Variants in TIMELESS observed in about 807,000 individuals in gnomAD.
The protein encoded by TIMELESS is timeless circadian regulator.
A neutral mutation model predicts 164.3 loss-of-function variants in TIMELESS; 124 were observed. The ratio of observed to expected loss-of-function variants is 0.75; its 90% CI spans 0.65 to 0.88. The LOEUF (loss-of-function observed/expected upper bound fraction) is 0.88. Among genes scored for constraint, TIMELESS ranks in the 40% least tolerant of loss-of-function variants. The pLI is 0.00. For synonymous variants in TIMELESS, 564 were observed against 563.4 expected, an observed-to-expected ratio of 1.00 and a Z score of -0.02; for missense variants, 1,422 against 1,491.4, an observed-to-expected ratio of 0.95 and a Z score of 0.77.
intron 11 of TIMELESS, 77 bp from the exon 12 acceptor site, chr12:56,428,729 GA>G (rs35297420): frequency 0.028 from 28,538 of 1,024,400 alleles, 7 homozygotes; most frequent in South Asian, 0.032. Context: ...TTCCCACAGC[GA>G]AAAAAAAAAA....
At chr12:56,423,506 A>G in intron 17 of TIMELESS, 31 bp from the exon 18 acceptor site, 1 of 1,613,632 alleles carries the variant, frequency 6.2e-7, no homozygotes, top group Non-Finnish European at 8.5e-7. Flanking sequence ...AGAGGATGTC[A>G]GCATAAGGAA....
intron 8 of TIMELESS, 87 bp from the exon 9 acceptor site, chr12:56,431,055 TA>T: frequency 2.1e-6 from 2 of 947,762 alleles, no homozygotes; most frequent in Non-Finnish European, 3.1e-6. Flanking sequence ...TGGAGCAAGT[TA>T]AAACTACAAA....
chr12:56,423,261 G>T lies in TIMELESS; in HGVS notation c.2292+13C>A. On this transcript the variant is annotated intron_variant, in intron 18 of 28. Transcript: ENST00000553532. ...ATACCCTTCCAGAACCCCATTCCTT[G>T]TTATCCCCTCACTTTGTAGGCTCCA... is the stretch of plus-strand genomic sequence containing the variant. 1 of 1,613,714 alleles carries T rather than the reference G, an allele frequency of 6.2e-7. No homozygotes were observed.
rs761739032 is a variant in TIMELESS at position 56,432,465 on chromosome 12, G to C, written c.591C>G (p.Gly197=). Residue 197 remains glycine, a synonymous_variant, in exon 7 of 29, where the codon GGC becomes GGG. Coordinates refer to ENST00000553532, the MANE Select transcript of TIMELESS (RefSeq NM_003920.5). ...DQLLWAIHLS[G]LDDLLLFLAS... ...CCAGAAAGAGGAGCAGGTCATCCAGGCCGCTGAGGTGAATCGCCCAGAGGA... is the reference window on the plus strand; with the variant it reads ...CCAGAAAGAGGAGCAGGTCATCCAGCCCGCTGAGGTGAATCGCCCAGAGGA... The C allele has an allele frequency of 2.5e-6, 4 of 1,614,078 alleles. No individual in the cohort carries two copies. Among genetic ancestry groups the C allele is most frequent in the Non-Finnish European group, 3.4e-6 (4 of 1,180,032 alleles).
chr12:56,420,649 C>T lies in TIMELESS; in HGVS notation c.3148G>A (p.Glu1050Lys). The T allele has an allele frequency of 6.2e-7, 1 of 1,614,246 alleles. No homozygotes were observed. Reference protein sequence around the residue: ...QAVPLVPLTEENEEAMENEQF... With the variant: ...QAVPLVPLTEKNEEAMENEQF... Reference sequence around the variant, plus strand: ...TCGTTTTCCATGGCTTCCTCATTTTCCTCTGTGAGTGGCACCAATGGAACG... The same window carrying T: ...TCGTTTTCCATGGCTTCCTCATTTTTCTCTGTGAGTGGCACCAATGGAACG... Residue 1050 changes from glutamate (E) to lysine (K), a missense_variant, in exon 26 of 29, where the codon GAA becomes AAA. Coordinates refer to ENST00000553532, the MANE Select transcript of TIMELESS (RefSeq NM_003920.5).
intron 26 of TIMELESS, among the ~76,000 whole-genome samples, 181 bp from the exon 27 acceptor site, chr12:56,418,540 G>C (rs1592242037): frequency 6.6e-6 from 1 of 151,160 alleles, no homozygotes; most frequent in South Asian, 2.1e-4. Context: ...GCTACATTAG[G>C]AGGTTCCCAG....
intron 1 of TIMELESS, among the ~76,000 whole-genome samples, chr12:56,438,276 C>T (rs545208347): frequency 6.6e-6 from 1 of 152,200 alleles, no homozygotes; most frequent in South Asian, 2.1e-4. Flanking sequence ...AACTCCCGAC[C>T]TCTGGTGATC....
chr12:56,447,693 G>A (rs966658441), intron 1 of TIMELESS, among the ~76,000 whole-genome samples: 2 of 152,166 alleles, frequency 1.3e-5, no homozygotes, highest in Non-Finnish European at 2.9e-5. Flanking sequence ...TAGGAGCTCA[G>A]TAACCTTTTA....
rs1476155947 is a variant in TIMELESS, at chr12:56,423,698, C to T, written c.1976G>A (p.Gly659Asp). 1 of 1,614,000 alleles carries T rather than the reference C, an allele frequency of 6.2e-7. No homozygotes were observed. The highest frequency in any genetic ancestry group is 8.5e-7 in the Non-Finnish European group (1 of 1,179,954). Residue 659 changes from glycine (G) to aspartate (D), a missense_variant, in exon 17 of 29, where the codon GGC becomes GAC. Physicochemically the swap from Gly to Asp is moderately conservative, Grantham distance 94. Coordinates refer to ENST00000553532, the MANE Select transcript of TIMELESS (RefSeq NM_003920.5). ...ILSAPLPRQQ[G>D]PEERGAEEEE... ...TTCCTCTGCCCCACGTTCCTCTGGG[C>T]CCTGCTGCCCTATAGACAGAGGGAG... is the stretch of plus-strand genomic sequence containing the variant.
chr12:56,418,679 G>A (rs1323589421), intron 26 of TIMELESS, among the ~76,000 whole-genome samples: 2 of 151,262 alleles, frequency 1.3e-5, no homozygotes, highest in South Asian at 2.1e-4. Context: ...TTGGGATCAA[G>A]CTATCCTCCT....
intron 1 of TIMELESS, among the ~76,000 whole-genome samples, chr12:56,436,688 G>A (rs368340685): frequency 2.0e-5 from 3 of 152,226 alleles, no homozygotes; most frequent in South Asian, 4.2e-4. Context: ...TTAGAACACC[G>A]AACAGTGGTC....
intron 1 of TIMELESS, among the ~76,000 whole-genome samples, chr12:56,447,277 C>A (rs1868372371): frequency 6.8e-6 from 1 of 146,390 alleles, no homozygotes; most frequent in Non-Finnish European, 1.5e-5. Context: ...GAATTTCCAG[C>A]GATGGGGCTT....
chr12:56,437,440 G>A (rs1395551503), intron 1 of TIMELESS, among the ~76,000 whole-genome samples: 1 of 150,622 alleles, frequency 6.6e-6, no homozygotes, highest in Non-Finnish European at 1.5e-5. Context: ...TTTTGAGACA[G>A]GGTCTCACTC....
In TIMELESS at chr12:56,432,423, C is replaced by T; in HGVS notation, c.633G>A (p.Glu211=). 2.5e-6 allele frequency: 4 copies of T among 1,614,202 alleles called. No individual in the cohort carries two copies. Among genetic ancestry groups the T allele is most frequent in the East Asian group, 2.2e-5 (1 of 44,888 alleles). The change falls in exon 7 of 29, where the codon GAG becomes GAA. Residue 211 remains glutamate, a synonymous_variant. Coordinates refer to ENST00000553532, the MANE Select transcript of TIMELESS (RefSeq NM_003920.5). ...LLLFLASSSA[E]EQWSLHVLEI... is the part of the protein sequence containing the mutation. ...CTAGCACATGTAGGCTCCATTGCTC[C>T]TCAGCAGACGAGCTGGCCAGAAAGA...
Position 56,424,743 on chromosome 12 carries a change from G to A in TIMELESS, c.1868+19C>T, listed in dbSNP as rs369261560. The A allele has an allele frequency of 3.7e-6, 6 of 1,610,710 alleles. No individual in the cohort carries two copies. The Admixed American group carries it at 6.7e-5, about 18-fold the overall frequency. On this transcript the variant is annotated intron_variant, in intron 15 of 28. Coordinates refer to ENST00000553532, the MANE Select transcript of TIMELESS (RefSeq NM_003920.5). The stretch of plus-strand genomic sequence containing the variant: ...TCCTTCCCCCAAAGCCCAAGAGGAT[G>A]AGCAGGCAGGGTTCTTACCGAGCAG...
chr12:56,435,931 C>G (rs1371650095), intron 1 of TIMELESS, among the ~76,000 whole-genome samples: 2 of 149,314 alleles, frequency 1.3e-5, no homozygotes, highest in East Asian at 3.9e-4. Flanking sequence ...TGCACTCCAG[C>G]CTGGGCGACA....
chr12:56,446,617 G>A (rs988211769), intron 1 of TIMELESS, among the ~76,000 whole-genome samples: 1 of 151,978 alleles, frequency 6.6e-6, no homozygotes, highest in Non-Finnish European at 1.5e-5. Context: ...GATCGCCTGA[G>A]GTCAGGACTT....
Position 56,418,269 on chromosome 12 carries a change from G to A in TIMELESS, c.3319C>T (p.Leu1107=), listed in dbSNP as rs763524566. Residue 1107 remains leucine, a synonymous_variant, in exon 27 of 29, where the codon CTG becomes TTG. Transcript: ENST00000553532. ...SLSQPEEEQK[L]QPELQPKVPG... Reference sequence around the variant, plus strand: ...ACTTTAGGCTGCAGCTCTGGCTGCAGCTTCTGTTCCTCCTCTGGTTGACTC... The same window carrying A: ...ACTTTAGGCTGCAGCTCTGGCTGCAACTTCTGTTCCTCCTCTGGTTGACTC... 1 of 1,614,202 alleles carries A rather than the reference G, an allele frequency of 6.2e-7. No homozygotes were observed.
Position 56,420,469 on chromosome 12 carries a change from TAAG to T in TIMELESS, c.3228+97_3228+99del, listed in dbSNP as rs1412752819. ...ACAATGAGAAGGACCAAGATGACGATAAGGATAAGGAGGACCACCATGACAGTG... is the reference window on the plus strand; with the variant it reads ...ACAATGAGAAGGACCAAGATGACGATGATAAGGAGGACCACCATGACAGTG... On this transcript the variant is annotated intron_variant, in intron 26 of 28. Coordinates refer to ENST00000553532, the MANE Select transcript of TIMELESS (RefSeq NM_003920.5). The T allele has an allele frequency of 6.6e-6, 4 of 606,826 alleles. No individual in the cohort carries two copies. In the African/African-American group the frequency reaches 1.5e-4, roughly 22 times the overall value. 37.6% of individuals were successfully genotyped at this position (606,826 alleles called of 1,614,324 possible).
Sources: allele counts gnomAD v4.1 joint callset (sites outside exome capture counted in the v4.1 genomes callset), GRCh38; gene constraint gnomAD v4.1.1; transcripts MANE v1.5; gene names NCBI Gene and HGNC (gene_info 2026-07-23, HGNC 2026-07-21).